XPO7: variants seen among roughly 807,000 people sequenced by gnomAD.
The protein encoded by XPO7 is exportin-7.
In XPO7, 21 loss-of-function variants were observed where a neutral mutation model predicts 144.3. That is an observed-to-expected ratio of 0.15 (90% CI 0.10 to 0.21). XPO7 has a LOEUF of 0.21. Ranked by LOEUF, XPO7 falls within the 10% of genes least tolerant of loss-of-function variation. The pLI, the probability that XPO7 is intolerant of heterozygous loss-of-function variation, is 1.00. For missense variants in XPO7, 808 were observed against 1,325.8 expected, an observed-to-expected ratio of 0.61 and a Z score of 6.06; for synonymous variants, 580 against 499.6, an observed-to-expected ratio of 1.16 and a Z score of -2.15.
At position 21,989,821 on chromosome 8, in the gene XPO7, C is replaced by CTTTTT. The variant is rs1170364778; in HGVS notation, c.1869-481_1869-477dup. ...AATAGGAGTTTGGTATAGGTGTTTC[C>CTTTTT]TTTTTTTTTTTTTTTTTTTTTTTTT... On this transcript the variant is annotated intron_variant, in intron 16 of 27. Coordinates refer to ENST00000252512, the MANE Select transcript of XPO7 (RefSeq NM_015024.5). Among the ~76,000 whole-genome samples the CTTTTT allele has an allele frequency of 8.6e-3, 515 of 59,712 alleles. 152 individuals are homozygous for CTTTTT. The highest frequency in any genetic ancestry group is 0.014 in the Non-Finnish European group (388 of 27,888). The allele number at this position is 59,712 out of a possible 152,430, so 39.2% of individuals were successfully genotyped here.
chr8:21,995,625 G>A, intron 21 of XPO7, 26 bp downstream of exon 21: 1 of 1,534,830 alleles, frequency 6.5e-7, no homozygotes, highest in South Asian at 1.2e-5. Context: ...AGCTTGCAAG[G>A]GCACATCTGC....
intron 1 of XPO7, among the ~76,000 whole-genome samples, chr8:21,946,631 CAAAACAGGATTT>C (rs1372569730): frequency 2.1e-5 from 3 of 140,518 alleles, no homozygotes; most frequent in African/African-American, 7.8e-5. Flanking sequence ...TCCACATATG[CAAAACAGGATTT>C]TTTTTTTTTT....
At chr8:21,945,085 C>T (rs1034110446) in intron 1 of XPO7, among the ~76,000 whole-genome samples, 7 of 152,178 alleles carry the variant, frequency 4.6e-5, no homozygotes, top group Non-Finnish European at 1.0e-4. Flanking sequence ...ACAAAACTGC[C>T]ATCGTCATCA....
In XPO7 at chr8:21,999,733, CAGAAAG is replaced by C; in HGVS notation, c.2782+63_2782+68del. The C allele has an allele frequency of 1.9e-6, 3 of 1,601,280 alleles. No homozygotes were observed. In the East Asian group the frequency reaches 6.7e-5, roughly 36 times the overall value. ...GTTTGTTTTTTACCACTTAACTAAA[CAGAAAG>C]AGAGAATCTTGCCCCAGTGTCCAAA... On this transcript the variant is annotated intron_variant, in intron 24 of 27. Transcript: ENST00000252512.
At chr8:21,979,391 T>A (rs527478549) in intron 8 of XPO7, among the ~76,000 whole-genome samples, 2 of 150,582 alleles carry the variant, frequency 1.3e-5, no homozygotes, top group Admixed American at 1.3e-4. Context: ...TATTTCTTTT[T>A]TTTTTCTTTT....
chr8:21,942,657 T>C (rs1234430970), intron 1 of XPO7, among the ~76,000 whole-genome samples: 1 of 152,248 alleles, frequency 6.6e-6, no homozygotes, highest in East Asian at 1.9e-4. Flanking sequence ...TCTTCAATAC[T>C]TCTTCAACAA....
intron 5 of XPO7, among the ~76,000 whole-genome samples, chr8:21,972,960 T>C (rs921650411): frequency 1.3e-5 from 2 of 152,242 alleles, no homozygotes; most frequent in African/African-American, 4.8e-5. Flanking sequence ...CAGCTTACAC[T>C]TTTGAGTGAT....
intron 21 of XPO7, 70 bp downstream of exon 21, chr8:21,995,669 C>A: frequency 2.5e-6 from 3 of 1,208,414 alleles, no homozygotes; most frequent in Non-Finnish European, 3.5e-6. Flanking sequence ...GTATCTAGTG[C>A]TTTGGGCAGA....
intron 1 of XPO7, among the ~76,000 whole-genome samples, chr8:21,933,336 G>A (rs926908285): frequency 3.3e-5 from 5 of 151,910 alleles, no homozygotes; most frequent in Non-Finnish European, 7.4e-5. Context: ...TCCTGACCTC[G>A]TGATCTGCCT....
chr8:21,921,700 A>G (rs1810293788), intron 1 of XPO7: 1 of 152,182 alleles, frequency 6.6e-6, no homozygotes, highest in Non-Finnish European at 1.5e-5. Flanking sequence ...GAATTTATTA[A>G]CTTTTCAAAA....
intron 1 of XPO7, chr8:21,921,511 G>T (rs182124154): frequency 6.6e-6 from 1 of 152,144 alleles, no homozygotes; most frequent in Non-Finnish European, 1.5e-5. Flanking sequence ...GCTGTTTCCC[G>T]TAAAGAAATA....
rs117280280 is a variant in XPO7, at chr8:21,964,667, G to A, written c.19-2190G>A. ...CAAAGTGTGTAAATGGTCAAATTGC[G>A]TTTTTGTTTTTTAAACAGTCTTGTT... On this transcript the variant is annotated intron_variant, in intron 1 of 27. Transcript: ENST00000252512. Among the ~76,000 whole-genome samples, 980 of 151,926 alleles carry A rather than the reference G, an allele frequency of 6.5e-3. 6 individuals are homozygous for A. The highest frequency in any genetic ancestry group is 0.027 in the South Asian group (128 of 4,812).
intron 1 of XPO7, among the ~76,000 whole-genome samples, chr8:21,949,063 C>T (rs903137147): frequency 6.6e-6 from 1 of 152,184 alleles, no homozygotes; most frequent in African/African-American, 2.4e-5. Flanking sequence ...CACAAGTGAA[C>T]TTAGTTTTCT....
At chr8:21,934,622 A>C (rs185254118) in intron 1 of XPO7, among the ~76,000 whole-genome samples, 53 of 152,354 alleles carry the variant, frequency 3.5e-4, no homozygotes, top group Non-Finnish European at 6.2e-4. Flanking sequence ...ACAGTGTACC[A>C]GACAAAAAGA....
chr8:21,977,688 C>T, intron 7 of XPO7, 82 bp from the exon 8 acceptor site: 1 of 1,295,028 alleles, frequency 7.7e-7, no homozygotes, highest in South Asian at 1.3e-5. Context: ...AGGATGTGCT[C>T]CCTGATGTAT....
chr8:21,992,793 C>A (rs1812814062), intron 19 of XPO7, among the ~76,000 whole-genome samples: 1 of 152,128 alleles, frequency 6.6e-6, no homozygotes, highest in Admixed American at 6.6e-5. Context: ...CTTTCTTCAT[C>A]TTTTTACTTC....
At chr8:21,972,512 G>A (rs1022149683) in intron 5 of XPO7, among the ~76,000 whole-genome samples, 2 of 152,124 alleles carry the variant, frequency 1.3e-5, no homozygotes, top group Non-Finnish European at 2.9e-5. Context: ...TGCCCATGAA[G>A]GAGAATGACT....
At chr8:21,927,558 T>C (rs4872113) in intron 1 of XPO7, among the ~76,000 whole-genome samples, 42,567 of 138,510 alleles carry the variant, frequency 0.31, 4,801 homozygotes, top group East Asian at 0.41. Flanking sequence ...TTTTTTTTTT[T>C]TCTTAAGATG....
intron 1 of XPO7, among the ~76,000 whole-genome samples, chr8:21,961,137 A>G (rs1186354744): frequency 1.3e-5 from 2 of 151,772 alleles, no homozygotes; most frequent in African/African-American, 4.8e-5. Flanking sequence ...TAGTGCTGCC[A>G]TGAGTGAGCT....
Sources: allele counts gnomAD v4.1 joint callset (sites outside exome capture counted in the v4.1 genomes callset), GRCh38; gene constraint gnomAD v4.1.1; transcripts MANE v1.5; gene names NCBI Gene and HGNC (gene_info 2026-07-23, HGNC 2026-07-21).